Variants in DENND5B observed in about 807,000 individuals in gnomAD.
DENND5B encodes DENN domain-containing protein 5B.
Under a neutral mutation model 140.6 loss-of-function variants are expected in DENND5B, and 34 were observed. The ratio of observed to expected loss-of-function variants is 0.24; its 90% confidence interval spans 0.18 to 0.32. The LOEUF (loss-of-function observed/expected upper bound fraction) is 0.32, where lower values mean the gene tolerates loss of function less well. Among genes scored for constraint, DENND5B ranks in the 10% least tolerant of loss-of-function variants. The probability of loss-of-function intolerance (pLI) is 1.00; values close to 1 mark genes in which losing one functional copy is unlikely to be tolerated. For synonymous variants in DENND5B, 551 were observed against 562.1 expected (o/e 0.98, Z 0.28); for missense variants, 1,142 against 1,560.2 (o/e 0.73, Z 4.52).
chr12:31,475,524 G>A (rs1000596141), intron 3 of DENND5B, among the ~76,000 whole-genome samples: 1 of 152,128 alleles, frequency 6.6e-6, no homozygotes, highest in African/African-American at 2.4e-5. Flanking sequence ...GAGGCAGGAC[G>A]ATCGCTTGAG....
intron 2 of DENND5B, among the ~76,000 whole-genome samples, chr12:31,483,866 T>TTTC (rs1946181966): frequency 7.8e-6 from 1 of 128,960 alleles, no homozygotes; most frequent in Non-Finnish European, 1.7e-5. Flanking sequence ...TTTTCTTTTC[T>TTTC]TTTTTTTTTT....
chr12:31,537,019 G>C (rs1948520507), intron 1 of DENND5B, among the ~76,000 whole-genome samples: 1 of 152,098 alleles, frequency 6.6e-6, no homozygotes, highest in African/African-American at 2.4e-5. Context: ...GACTTTCCCA[G>C]ACAAACAAAC....
intron 7 of DENND5B, among the ~76,000 whole-genome samples, 199 bp from the exon 8 acceptor site, chr12:31,433,447 C>T (rs1240471447): frequency 6.6e-6 from 1 of 152,090 alleles, no homozygotes; most frequent in African/African-American, 2.4e-5. Flanking sequence ...AGTATCTTTC[C>T]AGATATGTGC....
At chr12:31,535,680 A>G (rs1948469846) in intron 1 of DENND5B, among the ~76,000 whole-genome samples, 1 of 151,600 alleles carries the variant, frequency 6.6e-6, no homozygotes. Context: ...AAGAGTGGGT[A>G]AAAAAAAAGT....
chr12:31,562,888 CTATT>C (rs1354603996), intron 1 of DENND5B, among the ~76,000 whole-genome samples: 1 of 151,536 alleles, frequency 6.6e-6, no homozygotes, highest in Non-Finnish European at 1.5e-5. Context: ...CAAAATGAAA[CTATT>C]TAAGTATTCA....
chr12:31,448,410 CAGGCGTGA>C (rs1254099252), intron 5 of DENND5B, among the ~76,000 whole-genome samples: 1 of 152,180 alleles, frequency 6.6e-6, no homozygotes, highest in Non-Finnish European at 1.5e-5. Context: ...GCTGGGATTA[CAGGCGTGA>C]GCCACCGCGC....
chr12:31,514,869 C>T (rs955166050), intron 1 of DENND5B, among the ~76,000 whole-genome samples: 1 of 151,688 alleles, frequency 6.6e-6, no homozygotes, highest in Non-Finnish European at 1.5e-5. Flanking sequence ...CAGTGGCTCA[C>T]GCCTGTAATC....
intron 3 of DENND5B, among the ~76,000 whole-genome samples, chr12:31,467,286 CAAAAG>C (rs1367921624): frequency 6.6e-6 from 1 of 152,000 alleles, no homozygotes; most frequent in East Asian, 1.9e-4. Context: ...AGACTGATCT[CAAAAG>C]AAATCTCTAA....
intron 1 of DENND5B, among the ~76,000 whole-genome samples, chr12:31,576,174 G>A (rs949818395): frequency 1.4e-5 from 2 of 144,940 alleles, no homozygotes; most frequent in African/African-American, 5.1e-5. Context: ...ATGAGGCCGC[G>A]CGCACAGGGG....
chr12:31,478,626 G>A (rs895571000), intron 3 of DENND5B, among the ~76,000 whole-genome samples: 5 of 152,090 alleles, frequency 3.3e-5, no homozygotes, highest in African/African-American at 9.7e-5. Flanking sequence ...GCTTGAGCAC[G>A]GGATGTCAAG....
chr12:31,530,619 T>C (rs972010511), intron 1 of DENND5B, among the ~76,000 whole-genome samples: 35 of 152,280 alleles, frequency 2.3e-4, no homozygotes, highest in African/African-American at 8.4e-4. Context: ...TGAAAAAATA[T>C]TAAATTTTAA....
In DENND5B at chr12:31,569,537, G is replaced by A. The variant is rs541500992; in HGVS notation, c.127+21169C>T. ...TAAAGAGCCAATGCCAGCTGGGAGCGATGGCTCATGCCTATAATCCCAGTG... is the reference window on the plus strand; with the variant it reads ...TAAAGAGCCAATGCCAGCTGGGAGCAATGGCTCATGCCTATAATCCCAGTG... On this transcript the variant is annotated intron_variant, in intron 1 of 20. Transcript: ENST00000389082. Among the ~76,000 whole-genome samples the A allele has an allele frequency of 2.0e-4, 31 of 152,296 alleles. 2 individuals carry two copies. In the South Asian group the frequency reaches 3.9e-3, roughly 19 times the overall value.
intron 3 of DENND5B, among the ~76,000 whole-genome samples, chr12:31,461,777 T>C (rs1384159875): frequency 6.6e-6 from 1 of 152,196 alleles, no homozygotes; most frequent in African/African-American, 2.4e-5. Context: ...GGATAATGGA[T>C]TGTGGGCTTG....
At chr12:31,553,013 G>A (rs775901266) in intron 1 of DENND5B, among the ~76,000 whole-genome samples, 3 of 152,064 alleles carry the variant, frequency 2.0e-5, no homozygotes, top group African/African-American at 4.8e-5. Context: ...CAAAAAACCA[G>A]GTCCTGGATT....
At chr12:31,491,833 G>A (rs975809842) in intron 2 of DENND5B, among the ~76,000 whole-genome samples, 5 of 151,880 alleles carry the variant, frequency 3.3e-5, no homozygotes, top group African/African-American at 1.2e-4. Context: ...CACTGCTTTG[G>A]GTACTTAATT....
At chr12:31,415,777 G>A (rs1302489996) in intron 11 of DENND5B, among the ~76,000 whole-genome samples, 4 of 151,668 alleles carry the variant, frequency 2.6e-5, no homozygotes, top group Non-Finnish European at 5.9e-5. Context: ...TTGTAGAGAC[G>A]GGGTCTCCCT....
intron 1 of DENND5B, among the ~76,000 whole-genome samples, chr12:31,525,051 C>T (rs1948038751): frequency 6.6e-6 from 1 of 152,170 alleles, no homozygotes; most frequent in South Asian, 2.1e-4. Context: ...CACCCACTTG[C>T]ATGACCAAAA....
intron 11 of DENND5B, among the ~76,000 whole-genome samples, chr12:31,422,631 T>C (rs998255806): frequency 4.6e-5 from 7 of 152,186 alleles, no homozygotes; most frequent in African/African-American, 1.7e-4. Context: ...AAGTCATCCA[T>C]ACTTTTTGAA....
intron 1 of DENND5B, among the ~76,000 whole-genome samples, chr12:31,536,952 C>T (rs1399412685): frequency 6.6e-6 from 1 of 151,954 alleles, no homozygotes; most frequent in Non-Finnish European, 1.5e-5. Context: ...AGGAAAAAAA[C>T]TTTTACCCCA....
Sources: gnomAD v4.1 joint callset for allele counts (sites outside exome capture counted in the v4.1 genomes callset) on GRCh38, gnomAD v4.1.1 for gene constraint, MANE v1.5 for transcripts, NCBI Gene and HGNC (gene_info 2026-07-23, HGNC 2026-07-21) for gene names.